The following CSMD1 variants were observed in gnomAD, a reference collection of about 807,000 sequenced individuals.
CSMD1 encodes the protein CUB and Sushi multiple domains 1.
Under a neutral mutation model 417.5 loss-of-function variants are expected in CSMD1, and 213 were observed. The ratio of observed to expected loss-of-function variants is 0.51; its 90% CI spans 0.46 to 0.57. The LOEUF (loss-of-function observed/expected upper bound fraction) is 0.57, where lower values mean the gene tolerates loss of function less well. Ranked by LOEUF, CSMD1 falls within the 20% of genes least tolerant of loss-of-function variation. The pLI is 0.00. For missense variants in CSMD1, 6,923 were observed against 4,529.7 expected (o/e 1.53, Z -15.17); for synonymous variants, 2,862 against 1,736.8 (o/e 1.65, Z -16.11).
At position 4,559,561 on chromosome 8, in the gene CSMD1, G is replaced by A. The variant is rs73661534; in HGVS notation, c.302+77781C>T. ...ACTGATATTCACTTTTGTTGTGTGT[G>A]TAAGTCATCCATAGGAACTTACATA... On this transcript the variant is annotated intron_variant, in intron 2 of 69. Transcript: ENST00000635120. Among the ~76,000 whole-genome samples, 1,461 of 152,280 alleles carry A rather than the reference G, an allele frequency of 9.6e-3. 4 individuals are homozygous for A. The highest frequency in any genetic ancestry group is 0.017 in the Middle Eastern group (5 of 294).
At chr8:3,778,692 C>A (rs1336801454) in intron 5 of CSMD1, among the ~76,000 whole-genome samples, 1 of 152,182 alleles carries the variant, frequency 6.6e-6, no homozygotes, top group Non-Finnish European at 1.5e-5. Flanking sequence ...TCAGAGCTGG[C>A]CAAAGATCAT....
At chr8:3,466,235 A>T (rs1816784997) in intron 12 of CSMD1, among the ~76,000 whole-genome samples, 1 of 151,988 alleles carries the variant, frequency 6.6e-6, no homozygotes, top group Admixed American at 6.6e-5. Flanking sequence ...TCTGATACAC[A>T]AAGGGTTTAA....
At chr8:4,346,593 A>C (rs1055357822) in intron 3 of CSMD1, among the ~76,000 whole-genome samples, 6 of 152,150 alleles carry the variant, frequency 3.9e-5, no homozygotes, top group Non-Finnish European at 7.4e-5. Flanking sequence ...GACTGATTTC[A>C]TTTCAATCTT....
chr8:4,474,692 G>A (rs1252791081), intron 2 of CSMD1, among the ~76,000 whole-genome samples: 1 of 152,074 alleles, frequency 6.6e-6, no homozygotes, highest in Non-Finnish European at 1.5e-5. Flanking sequence ...GATCTCAACT[G>A]AGCAGTTTAC....
At chr8:4,117,266 G>A (rs1022278935) in intron 3 of CSMD1, among the ~76,000 whole-genome samples, 1 of 151,190 alleles carries the variant, frequency 6.6e-6, no homozygotes, top group South Asian at 2.1e-4. Context: ...ATAATCCCAA[G>A]GAACTCACTC....
intron 1 of CSMD1, among the ~76,000 whole-genome samples, chr8:4,989,798 G>A (rs13265122): frequency 1.3e-5 from 2 of 152,046 alleles, no homozygotes; most frequent in Non-Finnish European, 2.9e-5. Flanking sequence ...TTGCTGTATC[G>A]TCTGCTTATA....
intron 5 of CSMD1, among the ~76,000 whole-genome samples, chr8:3,979,374 G>C (rs1320350751): frequency 2.0e-5 from 3 of 152,202 alleles, no homozygotes; most frequent in Non-Finnish European, 4.4e-5. Context: ...ACTAAGGACA[G>C]CTGGAGGAGA....
chr8:3,848,871 G>C (rs989715011), intron 5 of CSMD1, among the ~76,000 whole-genome samples: 4 of 151,450 alleles, frequency 2.6e-5, no homozygotes, highest in African/African-American at 9.7e-5. Context: ...TTTCAGTCCA[G>C]AAATGCTAAA....
chr8:4,600,719 A>C (rs1465875815), intron 2 of CSMD1, among the ~76,000 whole-genome samples: 1 of 152,202 alleles, frequency 6.6e-6, no homozygotes, highest in Non-Finnish European at 1.5e-5. Context: ...ACTCACAGAA[A>C]GACAGAGGGT....
intron 21 of CSMD1, among the ~76,000 whole-genome samples, chr8:3,354,502 G>A (rs1202993737): frequency 6.6e-6 from 1 of 152,160 alleles, no homozygotes; most frequent in African/African-American, 2.4e-5. Context: ...AGTTCATTGT[G>A]TTCTACGCAA....
chr8:3,109,304 A>C (rs893252308), intron 43 of CSMD1, among the ~76,000 whole-genome samples: 9 of 152,096 alleles, frequency 5.9e-5, no homozygotes, highest in Non-Finnish European at 1.3e-4. Flanking sequence ...AAATGTCAAC[A>C]CCTGTGAGAT....
chr8:3,813,272 A>G (rs907757435), intron 5 of CSMD1, among the ~76,000 whole-genome samples: 3 of 152,162 alleles, frequency 2.0e-5, no homozygotes, highest in African/African-American at 7.2e-5. Flanking sequence ...ATTGCTATCC[A>G]TGCAAATACA....
In CSMD1 at chr8:4,305,268, C is replaced by T. The variant is rs184609366; in HGVS notation, c.415+114685G>A. Reference sequence around the variant, plus strand: ...TTAGCTAAATCGGCCATTTCCAATGCCTGGGAACTGAGCTGCATCAGCCTC... The same window carrying T: ...TTAGCTAAATCGGCCATTTCCAATGTCTGGGAACTGAGCTGCATCAGCCTC... On this transcript the variant is annotated intron_variant, in intron 3 of 69. Transcript: ENST00000635120. Among the ~76,000 whole-genome samples the T allele has an allele frequency of 2.9e-3, 444 of 152,312 alleles. 6 individuals are homozygous for T. The highest frequency in any genetic ancestry group is 0.01 in the African/African-American group (423 of 41,562).
chr8:3,829,918 C>T (rs1279874988), intron 5 of CSMD1, among the ~76,000 whole-genome samples: 1 of 151,980 alleles, frequency 6.6e-6, no homozygotes. Flanking sequence ...AAAATGAAGG[C>T]TTTTCTCCTT....
intron 1 of CSMD1, among the ~76,000 whole-genome samples, chr8:4,959,179 G>C (rs1317071931): frequency 6.6e-6 from 1 of 152,170 alleles, no homozygotes; most frequent in Non-Finnish European, 1.5e-5. Context: ...CTATGACACA[G>C]CTTCCAAGTA....
At chr8:4,361,815 C>T (rs1011492995) in intron 3 of CSMD1, among the ~76,000 whole-genome samples, 14 of 151,924 alleles carry the variant, frequency 9.2e-5, no homozygotes, top group East Asian at 1.9e-4. Context: ...ACTAGCCAGG[C>T]GTGGTGCGGG....
intron 3 of CSMD1, among the ~76,000 whole-genome samples, chr8:4,163,729 T>G (rs1797295731): frequency 6.6e-6 from 1 of 152,230 alleles, no homozygotes; most frequent in Admixed American, 6.5e-5. Context: ...ATGATCTTGA[T>G]TAATCAGTAG....
At chr8:3,027,920 C>T (rs191751155) in intron 51 of CSMD1, among the ~76,000 whole-genome samples, 113 of 152,308 alleles carry the variant, frequency 7.4e-4, no homozygotes, top group African/African-American at 2.6e-3. Context: ...GTTAACATTC[C>T]CTTAAGGAGA....
intron 3 of CSMD1, among the ~76,000 whole-genome samples, chr8:4,308,279 T>C (rs1563428153): frequency 5.3e-5 from 8 of 151,966 alleles, no homozygotes; most frequent in Admixed American, 2.6e-4. Flanking sequence ...TTGTGTATAG[T>C]TGATGGTGTG....
Sources: allele counts gnomAD v4.1 joint callset (sites outside exome capture counted in the v4.1 genomes callset), GRCh38; gene constraint gnomAD v4.1.1; transcripts MANE v1.5; gene names NCBI Gene and HGNC (gene_info 2026-07-23, HGNC 2026-07-21).